Variants in MYO5C observed in about 807,000 individuals in gnomAD.
MYO5C encodes myosin VC.
MYO5C carries 194 observed loss-of-function variants against 235.7 expected under a neutral mutation model. That is an observed-to-expected ratio of 0.82 (90% CI 0.73 to 0.93). The LOEUF (loss-of-function observed/expected upper bound fraction) is 0.93. Among genes scored for constraint, MYO5C ranks in the 40% least tolerant of loss-of-function variants. MYO5C has a pLI of 0.00. For missense variants in MYO5C, 2,038 were observed against 2,127.2 expected, an observed-to-expected ratio of 0.96 and a Z score of 0.82; for synonymous variants, 707 against 754.8, an observed-to-expected ratio of 0.94 and a Z score of 1.04.
At position 52,213,174 on chromosome 15, in the gene MYO5C, C is replaced by T. The variant is rs752064110; in HGVS notation, c.4141+14G>A. Reference sequence around the variant, plus strand: ...AAAGAGAAAGCAAAAATCCAGAGTTCCAGGTTTCACTACCAAGAATGAGGT... The same window carrying T: ...AAAGAGAAAGCAAAAATCCAGAGTTTCAGGTTTCACTACCAAGAATGAGGT... On this transcript the variant is annotated intron_variant, in intron 34 of 40. Coordinates refer to ENST00000261839, the MANE Select transcript of MYO5C (RefSeq NM_018728.4). The T allele has an allele frequency of 2.3e-5, 37 of 1,607,974 alleles. No homozygotes were observed. Among genetic ancestry groups the T allele is most frequent in the Non-Finnish European group, 3.2e-5 (37 of 1,174,466 alleles).
At chr15:52,289,164 T>G in intron 1 of MYO5C, among the ~76,000 whole-genome samples, 1 of 149,714 alleles carries the variant, frequency 6.7e-6, no homozygotes. Context: ...CATGGGCCCC[T>G]CCCCTGGCTC....
At chr15:52,224,406 G>C (rs1805455431) in intron 28 of MYO5C, among the ~76,000 whole-genome samples, 1 of 152,176 alleles carries the variant, frequency 6.6e-6, no homozygotes, top group South Asian at 2.1e-4. Context: ...CTATAGACTT[G>C]AGGTGACAGT....
chr15:52,270,634 G>GTATA (rs369672217), intron 7 of MYO5C, among the ~76,000 whole-genome samples: 3 of 147,460 alleles, frequency 2.0e-5, no homozygotes, highest in Non-Finnish European at 3.0e-5. Flanking sequence ...AAATGTATGT[G>GTATA]TATATATATA....
chr15:52,240,468 G>C (rs942737991), intron 20 of MYO5C, among the ~76,000 whole-genome samples: 1 of 150,506 alleles, frequency 6.6e-6, no homozygotes, highest in African/African-American at 2.4e-5. Context: ...CTACTCAGGA[G>C]GCTGAGGCAT....
chr15:52,291,413 G>A (rs1021933742), intron 1 of MYO5C, among the ~76,000 whole-genome samples: 1 of 152,144 alleles, frequency 6.6e-6, no homozygotes, highest in African/African-American at 2.4e-5. Flanking sequence ...GTATCTCTGT[G>A]CCTTCAACTC....
At chr15:52,285,713 C>T (rs906383542) in intron 1 of MYO5C, among the ~76,000 whole-genome samples, 1 of 152,252 alleles carries the variant, frequency 6.6e-6, no homozygotes, top group Admixed American at 6.5e-5. Context: ...ACGAGTGATC[C>T]GCCAGCCTCG....
Position 52,233,172 on chromosome 15 carries a change from G to C in MYO5C, c.2963-487C>G, listed in dbSNP as rs1489272218. 1.2e-4 allele frequency among the ~76,000 whole-genome samples: 5 copies of C among 40,242 alleles called. 1 individual carries two copies. Among genetic ancestry groups the C allele is most frequent in the African/African-American group, 2.2e-4 (5 of 22,724 alleles). The allele number at this position is 40,242 out of a possible 152,430, so 26.4% of individuals were successfully genotyped here. On this transcript the variant is annotated intron_variant, in intron 23 of 40. Coordinates refer to ENST00000261839, the MANE Select transcript of MYO5C (RefSeq NM_018728.4). ...CGGGCGCCTGTAGTCCCAGCTACTT[G>C]GGAGGCTGAGGCAGGAGAATGGCGT...
chr15:52,224,384 C>T (rs895668461), intron 28 of MYO5C, among the ~76,000 whole-genome samples: 1 of 152,166 alleles, frequency 6.6e-6, no homozygotes, highest in Non-Finnish European at 1.5e-5. Context: ...CAAGAGTGAA[C>T]TCTAATGTAA....
intron 2 of MYO5C, among the ~76,000 whole-genome samples, chr15:52,281,473 C>T (rs2037160902): frequency 6.6e-6 from 1 of 152,198 alleles, no homozygotes; most frequent in Non-Finnish European, 1.5e-5. Flanking sequence ...GCCATCTGAT[C>T]CCTAATCAGA....
chr15:52,295,464 G>GCCTCCGCGGCC (rs2037481234), intron 1 of MYO5C, 146 bp downstream of exon 1: 2 of 903,146 alleles, frequency 2.2e-6, no homozygotes, highest in South Asian at 2.6e-5. Flanking sequence ...CCTCCGCGGC[G>GCCTCCGCGGCC]CCTCCGCGGC....
At chr15:52,270,824 G>A (rs2036908253) in intron 7 of MYO5C, among the ~76,000 whole-genome samples, 1 of 151,980 alleles carries the variant, frequency 6.6e-6, no homozygotes, top group South Asian at 2.1e-4. Flanking sequence ...TGTGAAATCT[G>A]GAGAAACTTA....
intron 8 of MYO5C, 46 bp downstream of exon 8, chr15:52,269,707 T>C (rs1371215864): frequency 7.2e-7 from 1 of 1,384,230 alleles, no homozygotes; most frequent in East Asian, 2.3e-5. Flanking sequence ...TTTTTTTTTT[T>C]TTAAGAGAAA....
chr15:52,193,475 G>C lies in MYO5C; in HGVS notation c.*427C>G, dbSNP rs2034980237. On this transcript the variant is annotated 3_prime_UTR_variant, in exon 41 of 41. Transcript: ENST00000261839. Reference sequence around the variant, plus strand: ...GGTGGCCAAACGGGATTTTTTCCTGGAAGACTCAGCACTAGAATCCACTTG... The same window carrying C: ...GGTGGCCAAACGGGATTTTTTCCTGCAAGACTCAGCACTAGAATCCACTTG... 6.5e-6 allele frequency: 1 copy of C among 153,888 alleles called. No individual in the cohort carries two copies. Among genetic ancestry groups the C allele is most frequent in the African/African-American group, 2.4e-5 (1 of 41,422 alleles). The allele number at this position is 153,888 out of a possible 1,614,324, so 9.5% of individuals were successfully genotyped here.
chr15:52,222,343 C>G (rs759481972), intron 29 of MYO5C, among the ~76,000 whole-genome samples: 1 of 152,172 alleles, frequency 6.6e-6, no homozygotes, highest in Non-Finnish European at 1.5e-5. Context: ...CCTGTGTCCA[C>G]CCCTGGTCCT....
chr15:52,283,181 C>T (rs893850100), intron 1 of MYO5C, among the ~76,000 whole-genome samples: 3 of 152,102 alleles, frequency 2.0e-5, no homozygotes, highest in Non-Finnish European at 2.9e-5. Context: ...AAACATCTCA[C>T]GGCTGTCTAC....
At position 52,195,468 on chromosome 15, in the gene MYO5C, T is replaced by C. The variant is rs2141252800; in HGVS notation, c.4996-11A>G. ...AAGGATCTTTATGATCTGCAAACGG[T>C]ACATAACATGGTGTTAGACCATGCA... is the stretch of plus-strand genomic sequence containing the variant. On this transcript the variant is annotated splice_polypyrimidine_tract_variant and intron_variant, in intron 39 of 40. Coordinates refer to ENST00000261839, the MANE Select transcript of MYO5C (RefSeq NM_018728.4). 6.3e-7 allele frequency: 1 copy of C among 1,583,700 alleles called. No individual in the cohort carries two copies. Among genetic ancestry groups the C allele is most frequent in the South Asian group, 1.1e-5 (1 of 89,342 alleles).
intron 7 of MYO5C, among the ~76,000 whole-genome samples, chr15:52,270,647 T>C (rs1019917864): frequency 3.0e-4 from 45 of 149,374 alleles, no homozygotes; most frequent in East Asian, 1.4e-3. Flanking sequence ...TATATATATA[T>C]ACACACATTT....
intron 26 of MYO5C, 112 bp from the exon 27 acceptor site, chr15:52,225,250 A>G: frequency 8.1e-7 from 1 of 1,235,770 alleles, no homozygotes; most frequent in Non-Finnish European, 1.2e-6. Context: ...TAAATAACTC[A>G]CCAGCTATCC....
chr15:52,231,780 C>T (rs1466241891), intron 24 of MYO5C, among the ~76,000 whole-genome samples: 1 of 152,092 alleles, frequency 6.6e-6, no homozygotes, highest in Non-Finnish European at 1.5e-5. Flanking sequence ...CTGCCATGTA[C>T]CCCAACTTTG....
Sources: gnomAD v4.1 joint callset for allele counts (sites outside exome capture counted in the v4.1 genomes callset) on GRCh38, gnomAD v4.1.1 for gene constraint, MANE v1.5 for transcripts, NCBI Gene and HGNC (gene_info 2026-07-23, HGNC 2026-07-21) for gene names.